Variants in ERC2 observed in about 807,000 individuals in gnomAD.
ERC2 encodes the protein ELKS/RAB6-interacting/CAST family member 2.
In ERC2, 42 loss-of-function variants were observed where a neutral mutation model predicts 114.8. The observed-to-expected ratio is 0.37, with a 90% CI of 0.29 to 0.47. The LOEUF (loss-of-function observed/expected upper bound fraction) is 0.47. Ranked by LOEUF, ERC2 falls within the 20% of genes least tolerant of loss-of-function variation. The pLI, the probability that ERC2 is intolerant of heterozygous loss-of-function variation, is 0.99. For missense variants in ERC2, 939 were observed against 1,150.7 expected, an observed-to-expected ratio of 0.82 and a Z score of 2.66; for synonymous variants, 454 against 425.5, an observed-to-expected ratio of 1.07 and a Z score of -0.82.
chr3:56,130,162 C>T (rs936103463), intron 6 of ERC2, among the ~76,000 whole-genome samples: 1 of 152,132 alleles, frequency 6.6e-6, no homozygotes, highest in African/African-American at 2.4e-5. Context: ...TGTGGTTTTA[C>T]TCTATAAATT....
At chr3:56,180,120 G>T (rs373707969) in intron 3 of ERC2, among the ~76,000 whole-genome samples, 1 of 152,152 alleles carries the variant, frequency 6.6e-6, no homozygotes, top group African/African-American at 2.4e-5. Context: ...CATAATGAGA[G>T]CGTGGCCATC....
At chr3:55,954,258 A>C (rs1419380376) in intron 12 of ERC2, among the ~76,000 whole-genome samples, 1 of 152,156 alleles carries the variant, frequency 6.6e-6, no homozygotes, top group African/African-American at 2.4e-5. Context: ...TCAATGTTTA[A>C]TTTAAATTTA....
Position 56,367,264 on chromosome 3 carries a change from A to AT in ERC2, c.657+67086dup, listed in dbSNP as rs201408405. The stretch of plus-strand genomic sequence containing the variant: ...AGATTGCTCAGGCCCAATGGGCAGC[A>AT]TTTTTTTTTTTTTATTAGCATGCAG... On this transcript the variant is annotated intron_variant, in intron 2 of 17. Transcript: ENST00000288221. Among the ~76,000 whole-genome samples, 388 of 143,154 alleles carry AT rather than the reference A, an allele frequency of 2.7e-3. 9 individuals are homozygous for AT. The East Asian group carries it at 0.038, about 14-fold the overall frequency. The allele number at this position is 143,154 out of a possible 152,430, so 93.9% of individuals were successfully genotyped here.
In ERC2 at chr3:56,393,897, T is replaced by A. The variant is rs563051812; in HGVS notation, c.657+40454A>T. Among the ~76,000 whole-genome samples the A allele has an allele frequency of 2.0e-5, 3 of 152,068 alleles. No homozygotes were observed. In the East Asian group the frequency reaches 5.8e-4, roughly 29 times the overall value. ...GCCATCTCTTGACCCCCTGATCACC[T>A]GGACACTACTTTTATGTCTCCTACA... On this transcript the variant is annotated intron_variant, in intron 2 of 17. Coordinates refer to ENST00000288221, the MANE Select transcript of ERC2 (RefSeq NM_015576.3).
At chr3:55,992,799 A>C (rs2071183599) in intron 10 of ERC2, among the ~76,000 whole-genome samples, 1 of 152,218 alleles carries the variant, frequency 6.6e-6, no homozygotes, top group Non-Finnish European at 1.5e-5. Flanking sequence ...GTTTGAAAGG[A>C]GGCTTGGAGG....
intron 17 of ERC2, among the ~76,000 whole-genome samples, chr3:55,533,670 G>A (rs1317117198): frequency 6.6e-6 from 1 of 152,208 alleles, no homozygotes; most frequent in Non-Finnish European, 1.5e-5. Flanking sequence ...GGCTGGTGTG[G>A]AGAGATCAGG....
At chr3:55,938,062 A>G (rs2066562286) in intron 13 of ERC2, among the ~76,000 whole-genome samples, 2 of 152,078 alleles carry the variant, frequency 1.3e-5, no homozygotes, top group African/African-American at 4.8e-5. Flanking sequence ...CTACGCCCAC[A>G]TTTCCTAGTA....
At chr3:55,845,722 G>A (rs544046174) in intron 14 of ERC2, among the ~76,000 whole-genome samples, 102 of 152,332 alleles carry the variant, frequency 6.7e-4, no homozygotes, top group South Asian at 4.3e-3. Flanking sequence ...GTCCATTGGC[G>A]TATAATGAAT....
At chr3:56,054,102 T>A (rs2075896579) in intron 7 of ERC2, among the ~76,000 whole-genome samples, 1 of 152,228 alleles carries the variant, frequency 6.6e-6, no homozygotes, top group Non-Finnish European at 1.5e-5. Context: ...ACACCCATTT[T>A]GTTCTTAGGC....
chr3:55,953,870 C>G (rs1170479145), intron 12 of ERC2, among the ~76,000 whole-genome samples: 1 of 152,046 alleles, frequency 6.6e-6, no homozygotes, highest in African/African-American at 2.4e-5. Context: ...TCCACATCTT[C>G]CCCTACCTGC....
At chr3:55,586,106 C>T (rs1575667931) in intron 17 of ERC2, among the ~76,000 whole-genome samples, 1 of 152,158 alleles carries the variant, frequency 6.6e-6, no homozygotes, top group Non-Finnish European at 1.5e-5. Flanking sequence ...ATAGGCCTGA[C>T]TTGGAGGCAC....
chr3:56,239,053 C>T (rs181139160), intron 3 of ERC2, among the ~76,000 whole-genome samples: 1 of 152,264 alleles, frequency 6.6e-6, no homozygotes, highest in Non-Finnish European at 1.5e-5. Context: ...AAATACTACA[C>T]TGTAAAATTC....
chr3:56,420,550 T>C (rs1225493757), intron 2 of ERC2, among the ~76,000 whole-genome samples: 2 of 151,476 alleles, frequency 1.3e-5, no homozygotes, highest in Non-Finnish European at 2.9e-5. Flanking sequence ...ATTAGTATCA[T>C]TTTCCCATCC....
At chr3:56,191,629 C>T (rs117087082) in intron 3 of ERC2, among the ~76,000 whole-genome samples, 2,276 of 152,222 alleles carry the variant, frequency 0.015, 143 homozygotes, top group Admixed American at 0.11. Flanking sequence ...GGTTGCAGTG[C>T]TGTCGCAAAC....
At chr3:55,517,668 C>G (rs955773856) in intron 17 of ERC2, among the ~76,000 whole-genome samples, 1 of 152,172 alleles carries the variant, frequency 6.6e-6, no homozygotes, top group African/African-American at 2.4e-5. Flanking sequence ...TGGTTCCCAG[C>G]GCCCAGCCAT....
intron 2 of ERC2, among the ~76,000 whole-genome samples, chr3:56,374,055 A>C (rs1375227093): frequency 2.0e-5 from 3 of 152,070 alleles, no homozygotes; most frequent in Non-Finnish European, 2.9e-5. Context: ...CACACCTTGC[A>C]TGCCCACCCC....
At chr3:56,278,217 C>G (rs2054130743) in intron 3 of ERC2, among the ~76,000 whole-genome samples, 1 of 152,152 alleles carries the variant, frequency 6.6e-6, no homozygotes, top group Non-Finnish European at 1.5e-5. Flanking sequence ...CTGGTGGGAT[C>G]AACAGTATTC....
At chr3:55,631,585 G>A (rs536395005) in intron 17 of ERC2, among the ~76,000 whole-genome samples, 17 of 152,272 alleles carry the variant, frequency 1.1e-4, no homozygotes, top group African/African-American at 4.1e-4. Flanking sequence ...CTCCCACTTG[G>A]TTTCTTCCTA....
chr3:56,144,133 T>C (rs567891088), intron 5 of ERC2, among the ~76,000 whole-genome samples: 2 of 152,362 alleles, frequency 1.3e-5, no homozygotes, highest in South Asian at 4.1e-4. Flanking sequence ...TGCTTATCAA[T>C]GTGCCCCAGG....
Sources: allele counts gnomAD v4.1 joint callset (sites outside exome capture counted in the v4.1 genomes callset), GRCh38; gene constraint gnomAD v4.1.1; transcripts MANE v1.5; gene names NCBI Gene and HGNC (gene_info 2026-07-23, HGNC 2026-07-21).